ADAMTSL1: variants seen among roughly 807,000 people sequenced by gnomAD.
ADAMTSL1 encodes the protein ADAMTS like 1, also known as ADAMTS-like protein 1.
In ADAMTSL1, 126 loss-of-function variants were observed where a neutral mutation model predicts 201.8. The observed-to-expected ratio is 0.62, with a 90% confidence interval of 0.54 to 0.72. ADAMTSL1 has a LOEUF of 0.72. Ranked by LOEUF, ADAMTSL1 falls within the 30% of genes least tolerant of loss-of-function variation. The pLI is 0.00. For synonymous variants in ADAMTSL1, 1,121 were observed against 903.4 expected, an observed-to-expected ratio of 1.24 and a Z score of -4.32; for missense variants, 2,679 against 2,277.8, an observed-to-expected ratio of 1.18 and a Z score of -3.59.
chr9:18,065,172 T>C (rs571061349), intron 1 of ADAMTSL1, among the ~76,000 whole-genome samples: 1 of 152,240 alleles, frequency 6.6e-6, no homozygotes, highest in Non-Finnish European at 1.5e-5. Flanking sequence ...ACATGAAACC[T>C]GGCTCTATAT....
intron 2 of ADAMTSL1, among the ~76,000 whole-genome samples, chr9:18,236,585 G>A (rs1432956075): frequency 6.6e-6 from 1 of 152,142 alleles, no homozygotes; most frequent in Non-Finnish European, 1.5e-5. Flanking sequence ...ATCAAAGTTG[G>A]GGGAAAATTC....
chr9:18,868,695 G>C (rs118016380), intron 23 of ADAMTSL1, among the ~76,000 whole-genome samples: 2 of 152,158 alleles, frequency 1.3e-5, no homozygotes, highest in African/African-American at 4.8e-5. Context: ...CCTGATGCAC[G>C]TACATCTTCA....
intron 23 of ADAMTSL1, among the ~76,000 whole-genome samples, chr9:18,843,322 G>A (rs1825856143): frequency 6.6e-6 from 1 of 150,806 alleles, no homozygotes; most frequent in Admixed American, 6.6e-5. Context: ...ATAAAATTCT[G>A]GGTTGAAAAT....
chr9:18,165,360 A>G lies in ADAMTSL1; in HGVS notation c.207+1379A>G, dbSNP rs573185259. Among the ~76,000 whole-genome samples the G allele has an allele frequency of 1.2e-4, 18 of 152,078 alleles. No homozygotes were observed. In the East Asian group the frequency reaches 3.3e-3, roughly 28 times the overall value. ...TTTATGCCATAAAGGAAATTGAATA[A>G]TATGAACTAATTAGGGACATAATGG... On this transcript the variant is annotated intron_variant, in intron 2 of 29. Coordinates refer to the ADAMTSL1 transcript ENST00000680146.
chr9:18,363,122 A>G (rs1236084210), intron 2 of ADAMTSL1, among the ~76,000 whole-genome samples: 1 of 152,194 alleles, frequency 6.6e-6, no homozygotes, highest in Non-Finnish European at 1.5e-5. Flanking sequence ...CTGACGATGG[A>G]ACCAGAAATA....
Position 18,574,034 on chromosome 9 carries a change from G to T in ADAMTSL1, c.242G>T (p.Cys81Phe), listed in dbSNP as rs764483928. The change falls in exon 4 of 29, where the codon TGC becomes TTC. Residue 81 changes from cysteine to phenylalanine, a missense_variant. Transcript: ENST00000380548. ...IRYRTCSNVD[C>F]PPEAGDFRAQ... The stretch of plus-strand genomic sequence containing the variant: ...CTTTCTCTCTTTTTTCTCCAGGACT[G>T]CCCACCAGAAGCAGGTGATTTCCGA... 5.0e-6 allele frequency: 8 copies of T among 1,612,620 alleles called. No individual in the cohort carries two copies. Among genetic ancestry groups the T allele is most frequent in the Admixed American group, 1.7e-5 (1 of 59,942 alleles).
intron 13 of ADAMTSL1, among the ~76,000 whole-genome samples, chr9:18,704,597 A>G (rs1018652051): frequency 6.6e-6 from 1 of 152,242 alleles, no homozygotes; most frequent in Middle Eastern, 3.2e-3. Flanking sequence ...ATAAAATTAA[A>G]TGCTTGTGTA....
intron 4 of ADAMTSL1, among the ~76,000 whole-genome samples, chr9:18,606,132 C>G (rs1412014518): frequency 6.6e-6 from 1 of 152,088 alleles, no homozygotes; most frequent in South Asian, 2.1e-4. Context: ...TCCATTTGCT[C>G]CCTCTCCCTC....
intron 2 of ADAMTSL1, among the ~76,000 whole-genome samples, chr9:18,239,970 T>C (rs1338367100): frequency 1.3e-5 from 2 of 152,196 alleles, no homozygotes; most frequent in African/African-American, 4.8e-5. Flanking sequence ...CACTGAAGTC[T>C]TGATGTTCTC....
intron 2 of ADAMTSL1, among the ~76,000 whole-genome samples, chr9:18,170,578 G>A (rs1051902320): frequency 6.6e-6 from 1 of 152,012 alleles, no homozygotes; most frequent in Admixed American, 6.6e-5. Flanking sequence ...GTGTACACGT[G>A]AAGCCTATGG....
chr9:18,493,742 A>G (rs1263912399), intron 1 of ADAMTSL1, among the ~76,000 whole-genome samples: 1 of 152,126 alleles, frequency 6.6e-6, no homozygotes, highest in Non-Finnish European at 1.5e-5. Flanking sequence ...TTCTGCATAC[A>G]TTTTTTCCCT....
intron 1 of ADAMTSL1, among the ~76,000 whole-genome samples, chr9:18,011,012 C>T (rs1297445470): frequency 6.6e-6 from 1 of 151,714 alleles, no homozygotes; most frequent in Non-Finnish European, 1.5e-5. Flanking sequence ...AGACATGGCC[C>T]ATGTGGCAAG....
At chr9:18,200,744 A>C (rs1027476258) in intron 2 of ADAMTSL1, among the ~76,000 whole-genome samples, 1 of 152,204 alleles carries the variant, frequency 6.6e-6, no homozygotes, top group African/African-American at 2.4e-5. Context: ...AAAATTAATA[A>C]GTTTAATGTA....
intron 1 of ADAMTSL1, among the ~76,000 whole-genome samples, chr9:18,056,084 T>G (rs932988948): frequency 2.0e-5 from 3 of 151,978 alleles, no homozygotes; most frequent in African/African-American, 7.2e-5. Context: ...CCCTTTATTC[T>G]ATAAGGGGAA....
chr9:17,935,821 A>G (rs1336412860), intron 1 of ADAMTSL1, among the ~76,000 whole-genome samples: 2 of 152,120 alleles, frequency 1.3e-5, no homozygotes, highest in African/African-American at 2.4e-5. Flanking sequence ...GCTTTTATCT[A>G]CCTTCAGTCT....
chr9:17,987,986 G>A (rs1286532902), intron 1 of ADAMTSL1, among the ~76,000 whole-genome samples: 2 of 152,024 alleles, frequency 1.3e-5, no homozygotes, highest in African/African-American at 4.8e-5. Flanking sequence ...TGACAAACGT[G>A]TTTTGGTTCA....
At chr9:18,551,947 T>C (rs1820822140) in intron 3 of ADAMTSL1, among the ~76,000 whole-genome samples, 1 of 151,892 alleles carries the variant, frequency 6.6e-6, no homozygotes, top group South Asian at 2.1e-4. Flanking sequence ...TCTGTCTCCC[T>C]ATTTGCATCT....
intron 1 of ADAMTSL1, among the ~76,000 whole-genome samples, chr9:18,484,490 G>C (rs1450558640): frequency 6.6e-6 from 1 of 151,938 alleles, no homozygotes; most frequent in African/African-American, 2.4e-5. Flanking sequence ...TCTTTTTTAG[G>C]AATACTGAAA....
At chr9:18,708,458 G>A (rs1164723579) in intron 14 of ADAMTSL1, among the ~76,000 whole-genome samples, 2 of 152,206 alleles carry the variant, frequency 1.3e-5, no homozygotes, top group Non-Finnish European at 2.9e-5. Context: ...GGAACTCAGT[G>A]AATGTAACTG....
Sources: gnomAD v4.1 joint callset for allele counts (sites outside exome capture counted in the v4.1 genomes callset) on GRCh38, gnomAD v4.1.1 for gene constraint, MANE v1.5 for transcripts, NCBI Gene and HGNC (gene_info 2026-07-23, HGNC 2026-07-21) for gene names.